GALNT13: variants seen among roughly 807,000 people sequenced by gnomAD.
GALNT13 encodes the protein UDP-GalNAc:polypeptide N-acetylgalactosaminyltransferase 13.
In GALNT13, 28 loss-of-function variants were observed where a neutral mutation model predicts 64.2. The ratio of observed to expected loss-of-function variants is 0.44; its 90% confidence interval spans 0.32 to 0.60. The LOEUF is 0.60. Ranked by LOEUF, GALNT13 falls within the 20% of genes least tolerant of loss-of-function variation. The probability of loss-of-function intolerance (pLI) is 0.05; values close to 1 mark genes in which losing one functional copy is unlikely to be tolerated. For missense variants in GALNT13, 577 were observed against 669.8 expected, an observed-to-expected ratio of 0.86 and a Z score of 1.53; for synonymous variants, 214 against 224.6, an observed-to-expected ratio of 0.95 and a Z score of 0.42.
intron 1 of GALNT13, among the ~76,000 whole-genome samples, chr2:153,898,777 G>A (rs1409455633): frequency 1.3e-5 from 2 of 148,236 alleles, no homozygotes; most frequent in Non-Finnish European, 3.0e-5. Context: ...GTGAAATGTA[G>A]TATTGTAAGT....
At chr2:153,450,055 T>G in the GALNT13 span, among the ~76,000 whole-genome samples, 1 of 152,066 alleles carries the variant, frequency 6.6e-6, no homozygotes, top group South Asian at 2.1e-4. Flanking sequence ...TTGGATAGAG[T>G]TGACTGCTAC....
chr2:153,860,999 G>A, the GALNT13 span, among the ~76,000 whole-genome samples: 1 of 152,182 alleles, frequency 6.6e-6, no homozygotes. Context: ...AGTGAGAGCA[G>A]TGATATGTAT....
At chr2:153,222,307 T>TGGGGGGG in the GALNT13 span, among the ~76,000 whole-genome samples, 2 of 6,310 alleles carry the variant, frequency 3.2e-4, no homozygotes, top group African/African-American at 1.4e-3. Flanking sequence ...TGAGTCTGGC[T>TGGGGGGG]GGGGGGGGGG....
intron 8 of GALNT13, among the ~76,000 whole-genome samples, chr2:154,298,726 T>TACATTGTATATATA (rs1693206359): frequency 1.7e-5 from 1 of 58,882 alleles, no homozygotes; most frequent in African/African-American, 7.0e-5. Context: ...TAAATTATAT[T>TACATTGTATATATA]ATTTATATAT....
the GALNT13 span, among the ~76,000 whole-genome samples, chr2:153,360,507 T>C: frequency 2.0e-5 from 3 of 152,226 alleles, no homozygotes; most frequent in East Asian, 5.8e-4. Flanking sequence ...TCTCTATAGC[T>C]CTGGGCTGCA....
chr2:153,376,823 C>T, the GALNT13 span, among the ~76,000 whole-genome samples: 1 of 152,112 alleles, frequency 6.6e-6, no homozygotes. Context: ...TAAATATTCT[C>T]TCCATGTCAG....
chr2:153,314,868 A>G, the GALNT13 span, among the ~76,000 whole-genome samples: 1 of 152,112 alleles, frequency 6.6e-6, no homozygotes, highest in African/African-American at 2.4e-5. Context: ...AAACCTGAAA[A>G]AAAGGGAAAA....
At chr2:154,345,779 C>T (rs772948562) in intron 9 of GALNT13, among the ~76,000 whole-genome samples, 38 of 151,980 alleles carry the variant, frequency 2.5e-4, no homozygotes, top group Non-Finnish European at 3.7e-4. Context: ...GGTACAAATG[C>T]TCATTTCTAT....
the GALNT13 span, among the ~76,000 whole-genome samples, chr2:153,841,985 G>C: frequency 3.9e-5 from 6 of 152,062 alleles, no homozygotes; most frequent in Admixed American, 3.9e-4. Context: ...AAATTTTAAG[G>C]GTGTTCTTTC....
At chr2:154,440,323 G>T (rs1338524044) in intron 12 of GALNT13, among the ~76,000 whole-genome samples, 1 of 152,052 alleles carries the variant, frequency 6.6e-6, no homozygotes, top group Non-Finnish European at 1.5e-5. Context: ...ACTCTTGAGT[G>T]AACAATGTCA....
the GALNT13 span, among the ~76,000 whole-genome samples, chr2:153,647,393 A>C: frequency 1.7e-4 from 26 of 152,142 alleles, no homozygotes; most frequent in African/African-American, 6.0e-4. Context: ...AGATTGCAAA[A>C]ATTTTCTCCC....
intron 6 of GALNT13, among the ~76,000 whole-genome samples, chr2:154,243,427 T>C (rs574418670): frequency 4.1e-4 from 63 of 152,100 alleles, no homozygotes; most frequent in Non-Finnish European, 8.1e-4. Flanking sequence ...CTGGAATGTC[T>C]TAAAAATGCA....
At chr2:153,702,585 G>C in the GALNT13 span, among the ~76,000 whole-genome samples, 1 of 152,110 alleles carries the variant, frequency 6.6e-6, no homozygotes, top group Non-Finnish European at 1.5e-5. Context: ...CAACAAGATC[G>C]ATTGATGGAC....
the GALNT13 span, among the ~76,000 whole-genome samples, chr2:153,352,720 C>T: frequency 2.2e-4 from 34 of 152,176 alleles, no homozygotes; most frequent in African/African-American, 7.9e-4. Flanking sequence ...GCTATATTCT[C>T]TTCATTGTAT....
the GALNT13 span, among the ~76,000 whole-genome samples, chr2:153,198,776 T>C: frequency 9.2e-5 from 14 of 152,220 alleles, no homozygotes; most frequent in Non-Finnish European, 5.9e-5. Context: ...AACAAGGTGA[T>C]TGAAGATATC....
chr2:153,259,131 A>G, the GALNT13 span, among the ~76,000 whole-genome samples: 1 of 152,150 alleles, frequency 6.6e-6, no homozygotes. Context: ...GTATATTTAA[A>G]ATTGTTATGT....
the GALNT13 span, among the ~76,000 whole-genome samples, chr2:153,333,739 C>G: frequency 1.1e-3 from 172 of 152,262 alleles, no homozygotes; most frequent in Non-Finnish European, 1.5e-3. Flanking sequence ...CAAATAATTT[C>G]AAAAGCAAAA....
the GALNT13 span, among the ~76,000 whole-genome samples, chr2:153,269,731 G>GGC: frequency 4.7e-5 from 2 of 42,892 alleles, no homozygotes; most frequent in African/African-American, 3.6e-4. Context: ...GAGTTTAATT[G>GGC]ACACACTTCT....
chr2:153,673,812 AT>A, the GALNT13 span, among the ~76,000 whole-genome samples: 1 of 152,124 alleles, frequency 6.6e-6, no homozygotes, highest in Non-Finnish European at 1.5e-5. Context: ...GAACCCCATC[AT>A]CTCAGCCTAA....
Sources: allele counts gnomAD v4.1 joint callset (sites outside exome capture counted in the v4.1 genomes callset), GRCh38; gene constraint gnomAD v4.1.1; transcripts MANE v1.5; gene names NCBI Gene and HGNC (gene_info 2026-07-23, HGNC 2026-07-21).